Variants in KLK8 observed in about 807,000 individuals in gnomAD.
The protein encoded by KLK8 is kallikrein-8.
KLK8 carries 18 observed loss-of-function variants against 26.7 expected under a neutral mutation model. That is an observed-to-expected ratio of 0.67 (90% CI 0.47 to 1.00). KLK8 has a LOEUF of 1.00. Ranked by LOEUF, KLK8 falls within the 50% of genes least tolerant of loss-of-function variation. The pLI, the probability that KLK8 is intolerant of heterozygous loss-of-function variation, is 0.00. For synonymous variants in KLK8, 137 were observed against 127.1 expected (o/e 1.08, Z -0.52); for missense variants, 301 against 331.7 (o/e 0.91, Z 0.72).
intron 3 of KLK8, 144 bp from the exon 3 acceptor site, chr19:51,000,727 C>T (rs898129997): frequency 2.3e-5 from 35 of 1,525,168 alleles, no homozygotes; most frequent in Non-Finnish European, 2.6e-5. Flanking sequence ...CGCTGCCACA[C>T]GGGGACACTC....
At chr19:51,001,027 C>A in intron 3 of KLK8, 71 bp downstream of exon 2, 1 of 1,409,258 alleles carries the variant, frequency 7.1e-7, no homozygotes. Context: ...CCGCGGCATT[C>A]CCACAGACTC....
Position 51,000,292 on chromosome 19 carries a change from G to A in KLK8, c.231-34C>T, listed in dbSNP as rs556904302. The A allele has an allele frequency of 3.0e-4, 471 of 1,554,374 alleles. 5 individuals carry two copies. The South Asian group carries it at 5.3e-3, about 17-fold the overall frequency. On this transcript the variant is annotated intron_variant, in intron 4 of 6. Transcript: ENST00000600767. ...GTGGGGATAGTTTGGGACCCAGGCA[G>A]GGGTATTGCCCCCAGCCCCCTCCTC...
At chr19:51,000,159 G>T in exon 5 of KLK8, 1 of 1,613,798 alleles carries the variant, frequency 6.2e-7, no homozygotes, top group Non-Finnish European at 8.5e-7. Flanking sequence ...CATCGCTGCT[G>T]TTGTAGCAGG....
At chr19:51,001,263 G>A (rs878876025) in intron 2 of KLK8, 88 bp from the exon 2 acceptor site, 12 of 1,114,566 alleles carry the variant, frequency 1.1e-5, no homozygotes, top group Non-Finnish European at 1.6e-5. Flanking sequence ...AGGCAGCCGA[G>A]AGTATCTGGG....
At chr19:50,996,046 G>A in exon 7 of KLK8, 1 of 1,613,698 alleles carries the variant, frequency 6.2e-7, no homozygotes, top group Non-Finnish European at 8.5e-7. Context: ...GAGATCTAGT[G>A]CTTATCCTAG....
At chr19:50,997,351 G>A (rs994165554) in intron 6 of KLK8, among the ~76,000 whole-genome samples, 5 of 152,052 alleles carry the variant, frequency 3.3e-5, no homozygotes, top group African/African-American at 1.2e-4. Flanking sequence ...AAGAAAAGTG[G>A]CTGACCACCG....
At position 51,000,556 on chromosome 19, in the gene KLK8, A is replaced by G; in HGVS notation, c.98T>C (p.Val33Ala). 5.0e-6 allele frequency: 8 copies of G among 1,613,970 alleles called. No homozygotes were observed. Among genetic ancestry groups the G allele is most frequent in the Non-Finnish European group, 5.9e-6 (7 of 1,179,990 alleles). Reference sequence around the variant, plus strand: ...GGGTTGGCACTCATGACCCCCCAGCACCTTGTCCTCCTGTGCCCTGGAGTG... The same window carrying G: ...GGGTTGGCACTCATGACCCCCCAGCGCCTTGTCCTCCTGTGCCCTGGAGTG... The change falls in exon 4 of 7, where the codon GTG (valine) becomes GCG (alanine). Residue 33 changes from valine to alanine, a missense_variant. Physicochemically the swap from Val to Ala is moderately conservative, Grantham distance 64. Coordinates refer to ENST00000600767, the Ensembl canonical transcript of KLK8.
At position 50,996,200 on chromosome 19, in the gene KLK8, G is replaced by A. The variant is rs964948499; in HGVS notation, c.642C>T (p.Gly214=). Residue 214 remains glycine, a synonymous_variant, in exon 7 of 7, where the codon GGC becomes GGT. Coordinates refer to ENST00000600767, the Ensembl canonical transcript of KLK8. ...GGAGTGCACCATCACACACCAGGGGGCCTCCAGAATCGCCCTAGACAGGGA... is the reference window on the plus strand; with the variant it reads ...GGAGTGCACCATCACACACCAGGGGACCTCCAGAATCGCCCTAGACAGGGA... 18 of 1,613,952 alleles carry A rather than the reference G, an allele frequency of 1.1e-5. No individual in the cohort carries two copies. The highest frequency in any genetic ancestry group is 6.7e-5 in the African/African-American group (5 of 74,948).
intron 6 of KLK8, among the ~76,000 whole-genome samples, chr19:50,996,432 A>G (rs1486060705): frequency 6.6e-6 from 1 of 151,738 alleles, no homozygotes; most frequent in African/African-American, 2.4e-5. Flanking sequence ...CTGACAGAAG[A>G]GGGGAAAGAA....
At chr19:51,000,946 G>A (rs1391636177) in intron 3 of KLK8, 152 bp downstream of exon 2, 1 of 822,066 alleles carries the variant, frequency 1.2e-6, no homozygotes, top group Non-Finnish European at 1.9e-6. Context: ...TGTCCACCCT[G>A]AGGAAAGCCC....
intron 5 of KLK8, among the ~76,000 whole-genome samples, chr19:50,998,697 T>C (rs1431514358): frequency 2.6e-5 from 4 of 152,238 alleles, no homozygotes; most frequent in Admixed American, 2.6e-4. Flanking sequence ...GAAGGAGAGA[T>C]GCATTCATTC....
Position 50,997,657 on chromosome 19 carries a change from G to T in KLK8, c.627+94C>A, listed in dbSNP as rs563015410. On this transcript the variant is annotated intron_variant, in intron 6 of 6. Coordinates refer to ENST00000600767, the Ensembl canonical transcript of KLK8. ...ACACTCCGGGTGCCAAGTCTTTGGG[G>T]TCACTCCCTTACCACCCCCACCCCC... 1.9e-4 allele frequency: 270 copies of T among 1,412,904 alleles called. No homozygotes were observed. In the African/African-American group the frequency reaches 4.4e-3, roughly 23 times the overall value. The allele number at this position is 1,412,904 out of a possible 1,614,324, so 87.5% of individuals were successfully genotyped here. A position where few individuals can be genotyped will look rare whatever the true frequency, so the allele number is the denominator to read the frequency against.
chr19:51,001,477 T>C, intron 2 of KLK8, 55 bp downstream of exon 1: 1 of 386,182 alleles, frequency 2.6e-6, no homozygotes, highest in South Asian at 3.4e-5. Flanking sequence ...TCCTGGAATC[T>C]GGAGAAGGAG....
chr19:51,000,728 G>A (rs765323414), intron 3 of KLK8, 145 bp from the exon 3 acceptor site: 15 of 1,525,180 alleles, frequency 9.8e-6, no homozygotes, highest in Admixed American at 2.1e-5. Flanking sequence ...GCTGCCACAC[G>A]GGGACACTCA....
In KLK8 at chr19:51,000,483, G is replaced by T. The variant is rs145394866; in HGVS notation, c.171C>A (p.Leu57=). ...TGCCACCTACAAGGACACCGCCACA[G>T]AGTAGTTGCTGGCCCTGGAACAAGG... Residue 57 remains leucine, a synonymous_variant, in exon 4 of 7, where the codon CTC becomes CTA. Transcript: ENST00000600767. 6.2e-6 allele frequency: 10 copies of T among 1,613,952 alleles called. No individual in the cohort carries two copies. In the African/African-American group the frequency reaches 1.3e-4, roughly 22 times the overall value.
intron 6 of KLK8, 96 bp downstream of exon 5, chr19:50,997,655 G>A: frequency 7.1e-7 from 1 of 1,400,648 alleles, no homozygotes. Flanking sequence ...CAAGTCTTTG[G>A]GGTCACTCCC....
At chr19:51,001,465 G>A (rs2091226381) in intron 2 of KLK8, 67 bp downstream of exon 1, 1 of 411,414 alleles carries the variant, frequency 2.4e-6, no homozygotes, top group African/African-American at 2.0e-5. Flanking sequence ...CTGAGGCTGG[G>A]GTCCTGGAAT....
chr19:50,996,348 T>G, intron 6 of KLK8, 134 bp from the exon 6 acceptor site: 4 of 894,310 alleles, frequency 4.5e-6, no homozygotes, highest in Non-Finnish European at 6.8e-6. Context: ...CATTGTCCCC[T>G]GAGACCAGTC....
chr19:50,996,625 C>A (rs971614725), intron 6 of KLK8, among the ~76,000 whole-genome samples: 1 of 149,800 alleles, frequency 6.7e-6, no homozygotes, highest in Admixed American at 6.7e-5. Context: ...CACAGCTACT[C>A]GGGAGGCTGA....
Sources: allele counts gnomAD v4.1 joint callset (sites outside exome capture counted in the v4.1 genomes callset), GRCh38; gene constraint gnomAD v4.1.1; transcripts MANE v1.5; gene names NCBI Gene and HGNC (gene_info 2026-07-23, HGNC 2026-07-21).